TFDP2: variants seen among roughly 807,000 people sequenced by gnomAD.
TFDP2 encodes the protein transcription factor Dp-2 (E2F dimerization partner 2).
A neutral mutation model predicts 59.3 loss-of-function variants in TFDP2; 17 were observed. The ratio of observed to expected loss-of-function variants is 0.29; its 90% CI spans 0.20 to 0.43. TFDP2 has a LOEUF of 0.43. Ranked by LOEUF, TFDP2 falls within the 20% of genes least tolerant of loss-of-function variation. The probability of loss-of-function intolerance (pLI) is 1.00; values close to 1 mark genes in which losing one functional copy is unlikely to be tolerated. For synonymous variants in TFDP2, 180 were observed against 194.7 expected (o/e 0.92, Z 0.63); for missense variants, 391 against 528.8 (o/e 0.74, Z 2.56).
intron 3 of TFDP2, among the ~76,000 whole-genome samples, chr3:142,055,900 T>C (rs2059722337): frequency 6.7e-6 from 1 of 149,558 alleles, no homozygotes; most frequent in Admixed American, 6.7e-5. Flanking sequence ...TAAGACCAAG[T>C]GTTTTCATTC....
At chr3:141,965,481 A>G (rs1369403268) in intron 9 of TFDP2, among the ~76,000 whole-genome samples, 3 of 146,816 alleles carry the variant, frequency 2.0e-5, no homozygotes, top group Non-Finnish European at 3.0e-5. Flanking sequence ...TGGGCAACAG[A>G]GCCCTTTCTC....
intron 6 of TFDP2, among the ~76,000 whole-genome samples, chr3:141,992,098 G>A: frequency 1.5e-5 from 2 of 135,368 alleles, no homozygotes; most frequent in Admixed American, 7.5e-5. Flanking sequence ...AGGAAGGAAA[G>A]AAAGAAAGAA....
chr3:142,020,642 A>AT (rs918918050), intron 3 of TFDP2, among the ~76,000 whole-genome samples: 5 of 151,188 alleles, frequency 3.3e-5, no homozygotes, highest in African/African-American at 1.2e-4. Flanking sequence ...GACTTCCTTC[A>AT]TTTTTATGTT....
At chr3:142,101,365 A>T (rs986537940) in intron 2 of TFDP2, among the ~76,000 whole-genome samples, 5 of 152,020 alleles carry the variant, frequency 3.3e-5, no homozygotes, top group African/African-American at 1.2e-4. Context: ...CCAAAAAAAA[A>T]AAAAAAAAAT....
intron 8 of TFDP2, among the ~76,000 whole-genome samples, chr3:141,973,123 A>ATATATATATATATATATATATATTTT: frequency 1.7e-5 from 1 of 58,024 alleles, no homozygotes; most frequent in African/African-American, 6.5e-5. Context: ...ATATATATAT[A>ATATATATATATATATATATATATTTT]TTTTTTTTTT....
chr3:142,147,790 A>C (rs1215678428), intron 1 of TFDP2, among the ~76,000 whole-genome samples: 1 of 152,224 alleles, frequency 6.6e-6, no homozygotes. Context: ...ATCCAGAGCC[A>C]GTACACAAGT....
intron 3 of TFDP2, chr3:142,043,914 C>A: frequency 1.1e-6 from 1 of 888,306 alleles, no homozygotes. Context: ...GGCGCAGAAT[C>A]CACATGACCT....
intron 7 of TFDP2, among the ~76,000 whole-genome samples, chr3:141,976,916 ATAAAAGTAAAACTT>A (rs1940724981): frequency 6.6e-6 from 1 of 151,850 alleles, no homozygotes; most frequent in African/African-American, 2.4e-5. Context: ...AAATTAAGTA[ATAAAAGTAAAACTT>A]TAAAGCAACA....
chr3:142,093,195 T>C, intron 2 of TFDP2, 68 bp from the exon 3 acceptor site: 1 of 1,047,162 alleles, frequency 9.5e-7, no homozygotes, highest in Non-Finnish European at 1.4e-6. Context: ...AACAAGCTAT[T>C]TTATATCTTC....
chr3:142,038,898 C>T (rs997182174), intron 3 of TFDP2, among the ~76,000 whole-genome samples: 3 of 152,120 alleles, frequency 2.0e-5, no homozygotes, highest in Non-Finnish European at 2.9e-5. Flanking sequence ...TTAACAATGC[C>T]GTGATAGGCA....
chr3:142,093,432 C>G (rs918431989), intron 2 of TFDP2, among the ~76,000 whole-genome samples: 3 of 149,916 alleles, frequency 2.0e-5, no homozygotes, highest in African/African-American at 7.4e-5. Flanking sequence ...GCCTGGATGA[C>G]AGAGTGAGAC....
At chr3:142,062,425 G>A (rs1019942242) in intron 3 of TFDP2, among the ~76,000 whole-genome samples, 14 of 148,534 alleles carry the variant, frequency 9.4e-5, no homozygotes, top group African/African-American at 2.7e-4. Flanking sequence ...GTGTGTGTGT[G>A]TGTATATATA....
intron 5 of TFDP2, chr3:141,994,470 G>GTA (rs1371680743): frequency 1.3e-5 from 2 of 152,118 alleles, no homozygotes; most frequent in African/African-American, 4.8e-5. Flanking sequence ...GTGGAGAAAG[G>GTA]TATAAGTATT....
At chr3:142,002,249 C>T (rs184157120) in intron 4 of TFDP2, among the ~76,000 whole-genome samples, 30 of 152,048 alleles carry the variant, frequency 2.0e-4, no homozygotes, top group Admixed American at 1.9e-3. Flanking sequence ...CCAGCCTTGG[C>T]CTCCCAAAGT....
At chr3:142,127,165 C>T (rs1033739211) in intron 1 of TFDP2, among the ~76,000 whole-genome samples, 1 of 147,750 alleles carries the variant, frequency 6.8e-6, no homozygotes, top group African/African-American at 2.5e-5. Context: ...TAAGATATAT[C>T]TTAATTATAT....
chr3:142,119,265 C>T (rs948710878), intron 1 of TFDP2, among the ~76,000 whole-genome samples: 12 of 151,928 alleles, frequency 7.9e-5, no homozygotes, highest in African/African-American at 2.9e-4. Flanking sequence ...TCAGAATGAT[C>T]AACTCTCACA....
rs1936112083 is a variant in TFDP2 at position 141,953,034 on chromosome 3, A to G, written c.1052-18T>C. 1 of 1,592,308 alleles carries G rather than the reference A, an allele frequency of 6.3e-7. No individual in the cohort carries two copies. Reference sequence around the variant, plus strand: ...GGAGATATCTAAAGGAAAAAATGAGAACAAAAAATGTCGGTCCTGCAAGTT... The same window carrying G: ...GGAGATATCTAAAGGAAAAAATGAGGACAAAAAATGTCGGTCCTGCAAGTT... On this transcript the variant is annotated intron_variant, in intron 11 of 12. Transcript: ENST00000489671.
chr3:142,043,878 A>G (rs1333038466), intron 3 of TFDP2: 1 of 1,143,130 alleles, frequency 8.7e-7, no homozygotes, highest in Non-Finnish European at 1.3e-6. Context: ...CAATCTTCTT[A>G]GATTCACAGT....
chr3:142,149,100 G>A (rs1877047), intron 1 of TFDP2, 83 bp downstream of exon 1: 43,190 of 396,850 alleles, frequency 0.11, 2,500 homozygotes, highest in Middle Eastern at 0.14. Context: ...CTGTGCGCAG[G>A]GAGGGAAACC....
Sources: allele counts gnomAD v4.1 joint callset (sites outside exome capture counted in the v4.1 genomes callset), GRCh38; gene constraint gnomAD v4.1.1; transcripts MANE v1.5; gene names NCBI Gene and HGNC (gene_info 2026-07-23, HGNC 2026-07-21).